Variants in ADGRB3 observed in about 807,000 individuals in gnomAD.
ADGRB3 encodes adhesion G protein-coupled receptor B3, also known as brain-specific angiogenesis inhibitor 3.
A neutral mutation model predicts 193.4 loss-of-function variants in ADGRB3; 37 were observed. That is an observed-to-expected ratio of 0.19 (90% CI 0.15 to 0.25). The LOEUF is 0.25. Among genes scored for constraint, ADGRB3 ranks in the 10% least tolerant of loss-of-function variants. The pLI, the probability that ADGRB3 is intolerant of heterozygous loss-of-function variation, is 1.00. For missense variants in ADGRB3, 1,637 were observed against 1,852.9 expected (o/e 0.88, Z 2.14); for synonymous variants, 690 against 644.2 (o/e 1.07, Z -1.08).
chr6:68,800,246 A>G (rs1041392057), intron 3 of ADGRB3, among the ~76,000 whole-genome samples: 2 of 152,190 alleles, frequency 1.3e-5, no homozygotes, highest in African/African-American at 4.8e-5. Context: ...GGATTAATAA[A>G]TTTTGGGCCT....
chr6:68,927,554 C>T (rs1420276165), intron 3 of ADGRB3, among the ~76,000 whole-genome samples: 1 of 151,960 alleles, frequency 6.6e-6, no homozygotes, highest in African/African-American at 2.4e-5. Context: ...AGAACCATAA[C>T]ATTATCTGTT....
chr6:69,138,807 C>T (rs765803277), intron 17 of ADGRB3, among the ~76,000 whole-genome samples: 45 of 152,138 alleles, frequency 3.0e-4, no homozygotes, highest in Non-Finnish European at 6.0e-4. Flanking sequence ...TGAAGAAATT[C>T]ACATCATAAT....
At position 69,377,615 on chromosome 6, in the gene ADGRB3, G is replaced by A. The variant is rs540589942; in HGVS notation, c.4275+5174G>A. Among the ~76,000 whole-genome samples the A allele has an allele frequency of 6.5e-4, 99 of 152,040 alleles. No individual in the cohort carries two copies. In the South Asian group the frequency reaches 7.7e-3, roughly 12 times the overall value. ...TGGAAAACGTCATTCACAGAAACTG[G>A]TTTCTAATTCCCATCAGCCCATGAT... On this transcript the variant is annotated intron_variant, in intron 30 of 31. Coordinates refer to ENST00000370598, the MANE Select transcript of ADGRB3 (RefSeq NM_001704.3).
At chr6:68,687,147 A>T (rs1311376178) in intron 3 of ADGRB3, among the ~76,000 whole-genome samples, 2 of 152,000 alleles carry the variant, frequency 1.3e-5, no homozygotes, top group African/African-American at 4.8e-5. Context: ...ATCTATATAC[A>T]TGTGGTAGAA....
chr6:68,732,021 C>T (rs909469101), intron 3 of ADGRB3, among the ~76,000 whole-genome samples: 1 of 151,576 alleles, frequency 6.6e-6, no homozygotes, highest in African/African-American at 2.4e-5. Context: ...TTTAACTTAT[C>T]TACTCATGAA....
intron 3 of ADGRB3, among the ~76,000 whole-genome samples, chr6:68,660,964 C>A: frequency 6.6e-6 from 1 of 150,384 alleles, no homozygotes; most frequent in African/African-American, 2.4e-5. Context: ...AATCATTTTG[C>A]AAAAATTATG....
intron 3 of ADGRB3, among the ~76,000 whole-genome samples, chr6:68,754,208 A>T (rs1322350969): frequency 6.6e-6 from 1 of 152,242 alleles, no homozygotes; most frequent in Non-Finnish European, 1.5e-5. Flanking sequence ...GTTTATCATG[A>T]GTTAGGCAGG....
chr6:69,346,033 T>G (rs1162008930), intron 26 of ADGRB3, among the ~76,000 whole-genome samples: 1 of 151,800 alleles, frequency 6.6e-6, no homozygotes, highest in Non-Finnish European at 1.5e-5. Flanking sequence ...AAATACAACT[T>G]ACAAGGGTTG....
chr6:68,922,166 A>AT (rs529509157), intron 3 of ADGRB3, among the ~76,000 whole-genome samples: 114 of 152,292 alleles, frequency 7.5e-4, no homozygotes, highest in African/African-American at 2.7e-3. Context: ...GAAAAACAAG[A>AT]TTTTTGTCTG....
chr6:68,674,390 T>A (rs2127295304), intron 3 of ADGRB3, among the ~76,000 whole-genome samples: 1 of 152,266 alleles, frequency 6.6e-6, no homozygotes, highest in South Asian at 2.1e-4. Flanking sequence ...ATATTATACA[T>A]TAAAAATGCA....
At position 68,858,197 on chromosome 6, in the gene ADGRB3, T is replaced by C. The variant is rs143733889; in HGVS notation, c.758-72362T>C. 4.4e-3 allele frequency among the ~76,000 whole-genome samples: 664 copies of C among 152,250 alleles called. 5 individuals are homozygous for C. The highest frequency in any genetic ancestry group is 0.014 in the African/African-American group (576 of 41,540). ...CCTGCAGTCCCAGCTATGTGAAAGC[T>C]AAGGTGGAAGATTTGCTCAAAACCT... On this transcript the variant is annotated intron_variant, in intron 3 of 31. Coordinates refer to ENST00000370598, the MANE Select transcript of ADGRB3 (RefSeq NM_001704.3).
At chr6:68,701,199 G>A (rs540316761) in intron 3 of ADGRB3, among the ~76,000 whole-genome samples, 14 of 152,188 alleles carry the variant, frequency 9.2e-5, no homozygotes, top group African/African-American at 1.7e-4. Context: ...GCAAGAAAAC[G>A]GCTTCTGACT....
intron 3 of ADGRB3, among the ~76,000 whole-genome samples, chr6:68,840,064 C>T (rs1271623748): frequency 2.6e-5 from 4 of 152,112 alleles, no homozygotes; most frequent in Non-Finnish European, 5.9e-5. Context: ...AACGTGAGTT[C>T]TGGCAAAACT....
chr6:68,752,424 G>A (rs1235227714), intron 3 of ADGRB3, among the ~76,000 whole-genome samples: 1 of 151,746 alleles, frequency 6.6e-6, no homozygotes, highest in Non-Finnish European at 1.5e-5. Flanking sequence ...TTACAGGCGT[G>A]CACCACCATG....
At chr6:69,236,426 A>G (rs1278501554) in intron 19 of ADGRB3, among the ~76,000 whole-genome samples, 1 of 151,980 alleles carries the variant, frequency 6.6e-6, no homozygotes. Context: ...TAAACATGAC[A>G]TTGTAGGCAG....
At chr6:69,024,584 A>G (rs1432504012) in intron 13 of ADGRB3, among the ~76,000 whole-genome samples, 7 of 152,200 alleles carry the variant, frequency 4.6e-5, no homozygotes, top group Admixed American at 4.6e-4. Context: ...GTTTTAGGCT[A>G]AATAAGATCT....
intron 17 of ADGRB3, among the ~76,000 whole-genome samples, chr6:69,103,712 A>G (rs747190939): frequency 1.1e-4 from 17 of 151,602 alleles, no homozygotes; most frequent in Non-Finnish European, 2.2e-4. Context: ...ATATACACTC[A>G]GGAAAGCTCT....
intron 24 of ADGRB3, 131 bp downstream of exon 24, chr6:69,333,139 C>T (rs896911446): frequency 2.9e-6 from 3 of 1,021,344 alleles, no homozygotes; most frequent in Non-Finnish European, 4.2e-6. Context: ...CCAGTAGATT[C>T]TGCTATATAA....
intron 3 of ADGRB3, among the ~76,000 whole-genome samples, chr6:68,873,475 G>T (rs2150220931): frequency 6.6e-6 from 1 of 152,204 alleles, no homozygotes; most frequent in African/African-American, 2.4e-5. Flanking sequence ...TAATATAACA[G>T]ATGTGATTTC....
Sources: allele counts gnomAD v4.1 joint callset (sites outside exome capture counted in the v4.1 genomes callset), GRCh38; gene constraint gnomAD v4.1.1; transcripts MANE v1.5; gene names NCBI Gene and HGNC (gene_info 2026-07-23, HGNC 2026-07-21).